Variants in CALN1 observed in about 807,000 individuals in gnomAD.
CALN1 encodes calcium-binding protein 8.
In CALN1, 17 loss-of-function variants were observed where a neutral mutation model predicts 30.6. That is an observed-to-expected ratio of 0.56 (90% CI 0.38 to 0.83). The LOEUF (loss-of-function observed/expected upper bound fraction) is 0.83. Ranked by LOEUF, CALN1 falls within the 40% of genes least tolerant of loss-of-function variation. CALN1 has a pLI of 0.00. For missense variants in CALN1, 291 were observed against 354.9 expected, an observed-to-expected ratio of 0.82 and a Z score of 1.45; for synonymous variants, 156 against 131.4, an observed-to-expected ratio of 1.19 and a Z score of -1.28.
intron 5 of CALN1, among the ~76,000 whole-genome samples, chr7:71,935,885 A>C (rs1425414605): frequency 6.6e-6 from 1 of 152,228 alleles, no homozygotes; most frequent in Non-Finnish European, 1.5e-5. Context: ...TCTACAGGTT[A>C]CATGTACCTT....
intron 3 of CALN1, among the ~76,000 whole-genome samples, chr7:72,232,636 T>G (rs1319670075): frequency 6.6e-6 from 1 of 152,178 alleles, no homozygotes; most frequent in Non-Finnish European, 1.5e-5. Context: ...ATTATTATAT[T>G]TTTAGTACAG....
intron 5 of CALN1, among the ~76,000 whole-genome samples, chr7:71,994,499 A>G (rs111446316): frequency 0.17 from 24,828 of 144,424 alleles, 3,827 homozygotes; most frequent in African/African-American, 0.41. Flanking sequence ...GCGACAGAGC[A>G]AGACTTCATC....
intron 1 of CALN1, among the ~76,000 whole-genome samples, chr7:72,407,123 G>T (rs1051218396): frequency 6.6e-6 from 1 of 152,188 alleles, no homozygotes; most frequent in Non-Finnish European, 1.5e-5. Flanking sequence ...AGAGAATGGT[G>T]AAGTAATATT....
At chr7:72,100,174 T>TAG (rs1806550800) in intron 4 of CALN1, among the ~76,000 whole-genome samples, 1 of 142,262 alleles carries the variant, frequency 7.0e-6, no homozygotes, top group Non-Finnish European at 1.5e-5. Flanking sequence ...GTTTTTTTTT[T>TAG]AGAGATAAGG....
chr7:72,036,086 T>A (rs1401718994), intron 4 of CALN1, among the ~76,000 whole-genome samples: 1 of 152,246 alleles, frequency 6.6e-6, no homozygotes, highest in Non-Finnish European at 1.5e-5. Flanking sequence ...AATTTCTCCC[T>A]CACCTTTGAA....
intron 5 of CALN1, among the ~76,000 whole-genome samples, chr7:71,895,925 G>T (rs1053465070): frequency 1.3e-5 from 2 of 152,104 alleles, no homozygotes; most frequent in Non-Finnish European, 2.9e-5. Context: ...TAGGAGGGAG[G>T]CTCCAAATGT....
intron 4 of CALN1, among the ~76,000 whole-genome samples, chr7:72,031,797 A>C (rs916098462): frequency 6.3e-5 from 9 of 142,992 alleles, no homozygotes; most frequent in Non-Finnish European, 9.0e-5. Context: ...GCTGAAGTGC[A>C]ATGGCATGAT....
At chr7:72,144,111 A>C (rs1810167838) in intron 3 of CALN1, among the ~76,000 whole-genome samples, 1 of 152,224 alleles carries the variant, frequency 6.6e-6, no homozygotes, top group Non-Finnish European at 1.5e-5. Context: ...ACAGGATCAG[A>C]TTCACACATA....
intron 5 of CALN1, among the ~76,000 whole-genome samples, chr7:72,017,786 A>T (rs56833460): frequency 0.013 from 2,034 of 152,272 alleles, 48 homozygotes; most frequent in African/African-American, 0.044. Flanking sequence ...GATTGTGAAT[A>T]AGATTAAAAA....
At chr7:71,919,546 A>G (rs952168333) in intron 5 of CALN1, among the ~76,000 whole-genome samples, 37 of 152,228 alleles carry the variant, frequency 2.4e-4, no homozygotes, top group Non-Finnish European at 4.3e-4. Context: ...AGTAAAGAGA[A>G]TATTACAATT....
chr7:72,316,140 G>A (rs1028129915), intron 2 of CALN1, among the ~76,000 whole-genome samples: 9 of 137,560 alleles, frequency 6.5e-5, no homozygotes, highest in Non-Finnish European at 9.4e-5. Context: ...GACAGATTAT[G>A]TCTTTAAAAA....
chr7:72,369,359 T>TTTGTTG (rs1554390883), intron 2 of CALN1, among the ~76,000 whole-genome samples: 6 of 146,714 alleles, frequency 4.1e-5, no homozygotes, highest in African/African-American at 1.2e-4. Context: ...TATTTATTTT[T>TTTGTTG]TTGTTGTTGT....
intron 3 of CALN1, among the ~76,000 whole-genome samples, chr7:72,142,151 G>C (rs1296021856): frequency 6.6e-6 from 1 of 152,216 alleles, no homozygotes; most frequent in Non-Finnish European, 1.5e-5. Flanking sequence ...AGTGCACCAA[G>C]CATGAGCCGA....
At chr7:72,401,974 T>C (rs563233994) in intron 2 of CALN1, among the ~76,000 whole-genome samples, 3 of 152,264 alleles carry the variant, frequency 2.0e-5, no homozygotes, top group African/African-American at 7.2e-5. Flanking sequence ...AGTCCAACCA[T>C]GCCTGCCTTT....
At chr7:72,455,385 T>A in the CALN1 span, among the ~76,000 whole-genome samples, 1 of 149,128 alleles carries the variant, frequency 6.7e-6, no homozygotes, top group Non-Finnish European at 1.5e-5. Context: ...GTATATATAA[T>A]ACACACATAT....
chr7:72,323,772 G>C (rs966437955), intron 2 of CALN1, among the ~76,000 whole-genome samples: 1 of 152,166 alleles, frequency 6.6e-6, no homozygotes, highest in Non-Finnish European at 1.5e-5. Flanking sequence ...GGCTGAGCAC[G>C]GTGGCTCATG....
intron 3 of CALN1, among the ~76,000 whole-genome samples, chr7:72,142,457 TAA>T (rs537549334): frequency 6.6e-6 from 1 of 151,778 alleles, no homozygotes. Context: ...CTTGAGTAGG[TAA>T]AAAAAGTGGC....
chr7:72,271,575 A>AAAAAAAAAAAATATATATATATATAT lies in CALN1; in HGVS notation c.244+7110_244+7111insATATATATATATATATTTTTTTTTTT. ...CTGTGCCTGCCTTTTAAAAAAAAAAAATATATATATATATATATAGTTTTC... is the reference window on the plus strand; with the variant it reads ...CTGTGCCTGCCTTTTAAAAAAAAAAAAAAAAAAAAAATATATATATATATATATATATATATATATATATAGTTTTC... On this transcript the variant is annotated intron_variant, in intron 3 of 6. Coordinates refer to ENST00000395275, the MANE Select transcript of CALN1 (RefSeq NM_031468.4). Among the ~76,000 whole-genome samples, 266 of 51,952 alleles carry AAAAAAAAAAAATATATATATATATAT rather than the reference A, an allele frequency of 5.1e-3. 5 individuals carry two copies. Among genetic ancestry groups the AAAAAAAAAAAATATATATATATATAT allele is most frequent in the Non-Finnish European group, 6.5e-3 (211 of 32,222 alleles). The allele number at this position is 51,952 out of a possible 152,430, so 34.1% of individuals were successfully genotyped here.
intron 2 of CALN1, among the ~76,000 whole-genome samples, chr7:72,373,519 T>TTG (rs1303977880): frequency 5.3e-5 from 8 of 152,178 alleles, no homozygotes; most frequent in African/African-American, 1.4e-4. Flanking sequence ...CAGTATTCAA[T>TTG]AAACTACATG....
Sources: allele counts gnomAD v4.1 joint callset (sites outside exome capture counted in the v4.1 genomes callset), GRCh38; gene constraint gnomAD v4.1.1; transcripts MANE v1.5; gene names NCBI Gene and HGNC (gene_info 2026-07-23, HGNC 2026-07-21).